L3MBTL4: variants seen among roughly 807,000 people sequenced by gnomAD.
The protein encoded by L3MBTL4 is L3MBTL histone methyl-lysine binding protein 4.
Under a neutral mutation model 84.5 loss-of-function variants are expected in L3MBTL4, and 70 were observed. That is an observed-to-expected ratio of 0.83 (90% CI 0.68 to 1.01). The LOEUF (loss-of-function observed/expected upper bound fraction) is 1.01. Among genes scored for constraint, L3MBTL4 ranks in the 50% least tolerant of loss-of-function variants. The probability of loss-of-function intolerance (pLI) is 0.00; values close to 1 mark genes in which losing one functional copy is unlikely to be tolerated. For synonymous variants in L3MBTL4, 274 were observed against 259.8 expected (o/e 1.05, Z -0.52); for missense variants, 715 against 754.8 (o/e 0.95, Z 0.62).
At chr18:6,082,487 A>C (rs577096023) in intron 15 of L3MBTL4, 1 of 152,286 alleles carries the variant, frequency 6.6e-6, no homozygotes, top group African/African-American at 2.4e-5. Context: ...TTTCCAAAGA[A>C]TAATTTGGGG....
At chr18:6,283,522 T>C (rs957369130) in intron 4 of L3MBTL4, among the ~76,000 whole-genome samples, 3 of 152,182 alleles carry the variant, frequency 2.0e-5, no homozygotes, top group African/African-American at 7.2e-5. Flanking sequence ...ATTCTCTAAA[T>C]AGTTTTAAAA....
chr18:6,289,956 C>A (rs1380011665), intron 4 of L3MBTL4, among the ~76,000 whole-genome samples: 2 of 152,136 alleles, frequency 1.3e-5, no homozygotes, highest in African/African-American at 4.8e-5. Context: ...CAGGGACTTG[C>A]TCTGTTGCCT....
At chr18:6,108,146 C>A (rs960374939) in intron 14 of L3MBTL4, among the ~76,000 whole-genome samples, 20 of 152,250 alleles carry the variant, frequency 1.3e-4, no homozygotes, top group African/African-American at 4.8e-4. Flanking sequence ...CGCATGGTCC[C>A]TGGTCTCCAA....
At chr18:5,981,655 G>GAA (rs57409444) in intron 16 of L3MBTL4, among the ~76,000 whole-genome samples, 2 of 142,016 alleles carry the variant, frequency 1.4e-5, no homozygotes, top group African/African-American at 2.5e-5. Context: ...TTTCTTTGAG[G>GAA]AAAAAAAAAA....
At chr18:5,987,609 CA>C (rs1369018768) in intron 16 of L3MBTL4, among the ~76,000 whole-genome samples, 8 of 152,228 alleles carry the variant, frequency 5.3e-5, no homozygotes, top group Non-Finnish European at 1.0e-4. Flanking sequence ...CAGCCATTAT[CA>C]TAAATCACAT....
intron 14 of L3MBTL4, among the ~76,000 whole-genome samples, chr18:6,110,337 G>A (rs2059151889): frequency 6.6e-6 from 1 of 152,146 alleles, no homozygotes. Context: ...TCTCTCTCGT[G>A]TGTGGTGTCT....
chr18:6,138,282 T>G lies in L3MBTL4; in HGVS notation c.1111A>C (p.Lys371Gln). Reference protein sequence around the residue: ...LEVPQRTNDLKILPGQAVCPT... With the variant: ...LEVPQRTNDLQILPGQAVCPT... ...CAGACAGCTTGACCTGGAAGGATCTTCAGGTCATTCGTTCCTTCAGGAAGT... is the reference window on the plus strand; with the variant it reads ...CAGACAGCTTGACCTGGAAGGATCTGCAGGTCATTCGTTCCTTCAGGAAGT... Residue 371 changes from lysine to glutamine, a missense_variant, in exon 14 of 19, where the codon AAG becomes CAG. Coordinates refer to ENST00000317931, the MANE Select transcript of L3MBTL4 (RefSeq NM_001330559.2). The G allele has an allele frequency of 6.2e-7, 1 of 1,609,298 alleles. No individual in the cohort carries two copies. The highest frequency in any genetic ancestry group is 1.7e-4 in the Middle Eastern group (1 of 6,054).
At chr18:6,361,430 T>C (rs1338029492) in intron 1 of L3MBTL4, among the ~76,000 whole-genome samples, 1 of 152,098 alleles carries the variant, frequency 6.6e-6, no homozygotes, top group Non-Finnish European at 1.5e-5. Context: ...CACATGATCA[T>C]AGCCCCAGCA....
chr18:6,110,971 C>T (rs576771013), intron 14 of L3MBTL4, among the ~76,000 whole-genome samples: 11 of 152,052 alleles, frequency 7.2e-5, no homozygotes, highest in African/African-American at 2.7e-4. Context: ...CCCCTTTGTT[C>T]CCCTTCCTCC....
At chr18:5,987,055 T>C (rs1482715637) in intron 16 of L3MBTL4, among the ~76,000 whole-genome samples, 1 of 152,220 alleles carries the variant, frequency 6.6e-6, no homozygotes, top group Non-Finnish European at 1.5e-5. Flanking sequence ...GTGGTGCCTT[T>C]GCATCTTGCT....
intron 14 of L3MBTL4, among the ~76,000 whole-genome samples, chr18:6,120,930 T>C (rs1232714810): frequency 1.3e-5 from 2 of 152,208 alleles, no homozygotes; most frequent in Admixed American, 6.5e-5. Flanking sequence ...ACAAACATTC[T>C]GGTGCATGTC....
intron 4 of L3MBTL4, among the ~76,000 whole-genome samples, chr18:6,277,342 T>C (rs1231445059): frequency 6.6e-6 from 1 of 152,220 alleles, no homozygotes; most frequent in Non-Finnish European, 1.5e-5. Context: ...TGAAATTTAT[T>C]TTTACACGGA....
intron 5 of L3MBTL4, among the ~76,000 whole-genome samples, chr18:6,246,965 G>A (rs2047690642): frequency 6.6e-6 from 1 of 151,894 alleles, no homozygotes; most frequent in South Asian, 2.1e-4. Flanking sequence ...AGTGTAGAGA[G>A]CACATGCATA....
chr18:6,290,706 T>C lies in L3MBTL4; in HGVS notation c.127+11197A>G, dbSNP rs146883359. 3.0e-3 allele frequency among the ~76,000 whole-genome samples: 455 copies of C among 152,154 alleles called. 5 individuals are homozygous for C. Among genetic ancestry groups the C allele is most frequent in the African/African-American group, 0.011 (438 of 41,486 alleles). On this transcript the variant is annotated intron_variant, in intron 4 of 18. Transcript: ENST00000317931. ...CCATGCCCAGCTAATTTTTGTATTT[T>C]TAGTAGAGACAGGGTTTCATCATGT...
chr18:5,979,836 T>C (rs1014189687), intron 16 of L3MBTL4, among the ~76,000 whole-genome samples: 13 of 152,182 alleles, frequency 8.5e-5, no homozygotes, highest in African/African-American at 3.1e-4. Context: ...CTGGAGGTAT[T>C]GTCAGATTTA....
At chr18:6,324,687 T>C (rs1337327140) in intron 1 of L3MBTL4, among the ~76,000 whole-genome samples, 1 of 152,150 alleles carries the variant, frequency 6.6e-6, no homozygotes, top group African/African-American at 2.4e-5. Context: ...CAAACACAGG[T>C]AGAACACACC....
Position 5,975,561 on chromosome 18 carries a change from C to T in L3MBTL4, c.1445-5999G>A, listed in dbSNP as rs185547633. Among the ~76,000 whole-genome samples the T allele has an allele frequency of 4.6e-5, 7 of 152,334 alleles. No individual in the cohort carries two copies. The East Asian group carries it at 5.8e-4, about 13-fold the overall frequency. On this transcript the variant is annotated intron_variant, in intron 16 of 18. Coordinates refer to ENST00000317931, the MANE Select transcript of L3MBTL4 (RefSeq NM_001330559.2). ...AGCTGGGAACGTTGTTTTCTTCCCA[C>T]GATCACCTGTTCTCATGCCCTGCGT...
At chr18:6,196,115 A>T (rs1452292608) in intron 12 of L3MBTL4, among the ~76,000 whole-genome samples, 1 of 150,746 alleles carries the variant, frequency 6.6e-6, no homozygotes, top group Non-Finnish European at 1.5e-5. Flanking sequence ...GCTTCCCCAC[A>T]ACTCCAAGAA....
At chr18:6,242,475 G>A (rs980600501) in intron 7 of L3MBTL4, among the ~76,000 whole-genome samples, 1 of 152,148 alleles carries the variant, frequency 6.6e-6, no homozygotes, top group South Asian at 2.1e-4. Flanking sequence ...GCCTCACGTG[G>A]TAAGGGCTCC....
Sources: allele counts gnomAD v4.1 joint callset (sites outside exome capture counted in the v4.1 genomes callset), GRCh38; gene constraint gnomAD v4.1.1; transcripts MANE v1.5; gene names NCBI Gene and HGNC (gene_info 2026-07-23, HGNC 2026-07-21).